PTPRD: variants seen among roughly 807,000 people sequenced by gnomAD.
The protein encoded by PTPRD is protein tyrosine phosphatase receptor type D, also known as receptor-type tyrosine-protein phosphatase delta.
In PTPRD, 34 loss-of-function variants were observed where a neutral mutation model predicts 214.5. That is an observed-to-expected ratio of 0.16 (90% confidence interval 0.12 to 0.21). The LOEUF (loss-of-function observed/expected upper bound fraction) is 0.21, where lower values mean the gene tolerates loss of function less well. PTPRD is among the 10% of genes least tolerant of loss of function. The pLI is 1.00. For synonymous variants in PTPRD, 1,128 were observed against 845.7 expected (o/e 1.33, Z -5.79); for missense variants, 2,545 against 2,398.7 (o/e 1.06, Z -1.27).
intron 3 of PTPRD, among the ~76,000 whole-genome samples, chr9:10,086,506 G>C (rs763833176): frequency 3.3e-5 from 5 of 151,774 alleles, no homozygotes; most frequent in Non-Finnish European, 5.9e-5. Context: ...AGATAGGTCT[G>C]TGCTTGACTT....
intron 4 of PTPRD, among the ~76,000 whole-genome samples, chr9:9,986,941 A>G (rs2095735461): frequency 1.3e-5 from 2 of 151,896 alleles, no homozygotes; most frequent in Non-Finnish European, 2.9e-5. Flanking sequence ...AATTCTGAAT[A>G]TTTAAACTGG....
intron 35 of PTPRD, among the ~76,000 whole-genome samples, chr9:8,421,999 T>G (rs979135918): frequency 7.3e-5 from 11 of 151,506 alleles, no homozygotes; most frequent in Middle Eastern, 3.4e-3. Flanking sequence ...AATGAAAAGT[T>G]AGCCAGTGGG....
chr9:9,412,933 A>G lies in PTPRD; in HGVS notation c.-236-15451T>C, dbSNP rs2075901651. ...TCTCACTAAGGATATTTCAGAGGAA[A>G]GATCAATGGAGGGATATAGTTTTGG... On this transcript the variant is annotated intron_variant, in intron 8 of 45. Coordinates refer to ENST00000381196, the MANE Select transcript of PTPRD (RefSeq NM_002839.4). 2.0e-5 allele frequency among the ~76,000 whole-genome samples: 3 copies of G among 152,030 alleles called. No individual in the cohort carries two copies. The South Asian group carries it at 6.2e-4, about 32-fold the overall frequency.
intron 11 of PTPRD, among the ~76,000 whole-genome samples, chr9:8,892,643 A>G (rs534143214): frequency 6.8e-6 from 1 of 147,616 alleles, no homozygotes; most frequent in African/African-American, 2.5e-5. Context: ...GTGTATATAT[A>G]TGTGTATATA....
chr9:10,040,075 A>G (rs905335203), intron 3 of PTPRD, among the ~76,000 whole-genome samples: 10 of 152,094 alleles, frequency 6.6e-5, no homozygotes, highest in Non-Finnish European at 1.2e-4. Flanking sequence ...TAGGACTGGA[A>G]TGAAAATAGT....
At chr9:9,753,843 C>A (rs2098544528) in intron 6 of PTPRD, among the ~76,000 whole-genome samples, 1 of 151,968 alleles carries the variant, frequency 6.6e-6, no homozygotes, top group African/African-American at 2.4e-5. Context: ...TTCCCTTTTT[C>A]ATGCCCCTAT....
At chr9:9,433,423 T>C (rs1355137164) in intron 8 of PTPRD, among the ~76,000 whole-genome samples, 3 of 152,188 alleles carry the variant, frequency 2.0e-5, no homozygotes, top group African/African-American at 7.2e-5. Flanking sequence ...AGTGGCTTTA[T>C]TAAGAAGGCT....
At chr9:10,066,384 G>C (rs571697636) in intron 3 of PTPRD, among the ~76,000 whole-genome samples, 1 of 151,662 alleles carries the variant, frequency 6.6e-6, no homozygotes, top group South Asian at 2.1e-4. Flanking sequence ...CTCTTGAGGA[G>C]AGGCCCTTTA....
chr9:8,721,974 T>G (rs989960664), intron 12 of PTPRD, among the ~76,000 whole-genome samples: 1 of 152,252 alleles, frequency 6.6e-6, no homozygotes, highest in Non-Finnish European at 1.5e-5. Context: ...TTTGCCCCCC[T>G]CAGGGGACAG....
intron 2 of PTPRD, among the ~76,000 whole-genome samples, chr9:10,384,150 C>A (rs1271953432): frequency 6.6e-6 from 1 of 150,474 alleles, no homozygotes; most frequent in Non-Finnish European, 1.5e-5. Context: ...ATAATTTATT[C>A]ATACATTTAA....
intron 9 of PTPRD, among the ~76,000 whole-genome samples, chr9:9,239,590 T>C (rs1403707190): frequency 2.0e-5 from 3 of 152,178 alleles, no homozygotes; most frequent in Admixed American, 2.0e-4. Context: ...TCAGTTGCTG[T>C]GCTCTCCTGA....
In PTPRD at chr9:10,329,862, C is replaced by A. The variant is rs184090146; in HGVS notation, c.-545+11101G>T. 2.2e-3 allele frequency among the ~76,000 whole-genome samples: 334 copies of A among 151,842 alleles called. 4 individuals are homozygous for A. The highest frequency in any genetic ancestry group is 7.6e-3 in the African/African-American group (315 of 41,470). The stretch of plus-strand genomic sequence containing the variant: ...TTAAAATTGCATAACCATTTTGATG[C>A]GCATGGCATAGTCTGTCATGTATAA... On this transcript the variant is annotated intron_variant, in intron 3 of 45. Transcript: ENST00000381196.
At chr9:9,760,639 CACACACACACACACAT>C (rs1276630703) in intron 6 of PTPRD, among the ~76,000 whole-genome samples, 69 of 137,084 alleles carry the variant, frequency 5.0e-4, no homozygotes, top group South Asian at 4.0e-3. Context: ...CACACACACA[CACACACACACACACAT>C]ATATATATAT....
chr9:9,160,800 G>C (rs550572701), intron 10 of PTPRD, among the ~76,000 whole-genome samples: 7 of 152,228 alleles, frequency 4.6e-5, no homozygotes, highest in African/African-American at 1.7e-4. Context: ...ACAGATAATA[G>C]ATTAAACCAA....
intron 3 of PTPRD, among the ~76,000 whole-genome samples, chr9:10,043,549 A>C (rs2097334146): frequency 1.3e-5 from 2 of 151,804 alleles, no homozygotes; most frequent in Non-Finnish European, 2.9e-5. Flanking sequence ...GAGCCTTCTA[A>C]AACTGTCTGT....
chr9:9,533,932 T>C (rs573048402), intron 8 of PTPRD, among the ~76,000 whole-genome samples: 1 of 152,088 alleles, frequency 6.6e-6, no homozygotes, highest in Non-Finnish European at 1.5e-5. Context: ...TTACTTAAGA[T>C]GTAATTCAAT....
At chr9:9,002,406 C>G (rs974217574) in intron 11 of PTPRD, among the ~76,000 whole-genome samples, 1 of 151,882 alleles carries the variant, frequency 6.6e-6, no homozygotes, top group Admixed American at 6.6e-5. Flanking sequence ...TTTGCAGAAT[C>G]AAAATTCAAC....
chr9:9,188,808 T>TTGTG (rs5896310), intron 9 of PTPRD, among the ~76,000 whole-genome samples: 13 of 148,400 alleles, frequency 8.8e-5, no homozygotes, highest in Admixed American at 2.7e-4. Flanking sequence ...GCAAAATAAA[T>TTGTG]TGTGTGTGTG....
chr9:8,645,877 C>A (rs918466995), intron 12 of PTPRD, among the ~76,000 whole-genome samples: 68 of 152,054 alleles, frequency 4.5e-4, no homozygotes, highest in African/African-American at 1.5e-3. Flanking sequence ...GGCATATTCA[C>A]TCTCCCATAT....
Sources: allele counts gnomAD v4.1 joint callset (sites outside exome capture counted in the v4.1 genomes callset), GRCh38; gene constraint gnomAD v4.1.1; transcripts MANE v1.5; gene names NCBI Gene and HGNC (gene_info 2026-07-23, HGNC 2026-07-21).